Variants in DPP10 observed in about 807,000 individuals in gnomAD.
DPP10 encodes the protein dipeptidyl peptidase like 10.
DPP10 carries 33 observed loss-of-function variants against 120.9 expected under a neutral mutation model. That is an observed-to-expected ratio of 0.27 (90% CI 0.21 to 0.37). The LOEUF (loss-of-function observed/expected upper bound fraction) is 0.37, where lower values mean the gene tolerates loss of function less well. Ranked by LOEUF, DPP10 falls within the 10% of genes least tolerant of loss-of-function variation. The pLI is 1.00. For missense variants in DPP10, 816 were observed against 942.8 expected (o/e 0.87, Z 1.76); for synonymous variants, 337 against 326.1 (o/e 1.03, Z -0.36).
At chr2:114,769,505 G>C (rs1487979361) in intron 1 of DPP10, among the ~76,000 whole-genome samples, 1 of 152,154 alleles carries the variant, frequency 6.6e-6, no homozygotes, top group Non-Finnish European at 1.5e-5. Context: ...AATGAAAATA[G>C]GTAGTATGCA....
At chr2:114,934,363 A>G (rs1487009504) in intron 1 of DPP10, among the ~76,000 whole-genome samples, 2 of 152,202 alleles carry the variant, frequency 1.3e-5, no homozygotes, top group Non-Finnish European at 2.9e-5. Context: ...TATTCTTACA[A>G]AAAAGTAAGC....
chr2:115,710,200 G>A (rs2092270597), intron 7 of DPP10, among the ~76,000 whole-genome samples: 1 of 151,964 alleles, frequency 6.6e-6, no homozygotes, highest in Non-Finnish European at 1.5e-5. Context: ...ATATGATAGG[G>A]GAACTCGGAT....
At chr2:114,791,015 T>C (rs905842981) in intron 1 of DPP10, among the ~76,000 whole-genome samples, 2 of 152,120 alleles carry the variant, frequency 1.3e-5, no homozygotes, top group African/African-American at 2.4e-5. Flanking sequence ...GGGGAGAAAG[T>C]ATATATTTAA....
chr2:115,501,737 A>C (rs2076693048), intron 4 of DPP10, among the ~76,000 whole-genome samples: 1 of 152,086 alleles, frequency 6.6e-6, no homozygotes, highest in Non-Finnish European at 1.5e-5. Context: ...AATTACCATA[A>C]TTCCAGATGA....
chr2:115,384,262 A>G (rs1056744687), intron 3 of DPP10, among the ~76,000 whole-genome samples: 5 of 152,126 alleles, frequency 3.3e-5, no homozygotes, highest in Admixed American at 6.6e-5. Flanking sequence ...TAATCCCAGA[A>G]CTTGGGGAGG....
At chr2:115,069,644 ACT>A (rs1707209312) in intron 1 of DPP10, among the ~76,000 whole-genome samples, 1 of 151,992 alleles carries the variant, frequency 6.6e-6, no homozygotes, top group South Asian at 2.1e-4. Context: ...AAATACATTA[ACT>A]CAGCTTTTAC....
chr2:115,389,540 C>T (rs553336007), intron 3 of DPP10, among the ~76,000 whole-genome samples: 13 of 152,088 alleles, frequency 8.5e-5, no homozygotes, highest in Middle Eastern at 3.4e-3. Flanking sequence ...AATAAGTAAC[C>T]GATGTAATGA....
rs200917920 is a variant in DPP10 at position 115,644,311 on chromosome 2, C to T, written c.442-45376C>T. Among the ~76,000 whole-genome samples, 4 of 152,132 alleles carry T rather than the reference C, an allele frequency of 2.6e-5. No homozygotes were observed. The East Asian group carries it at 5.8e-4, about 22-fold the overall frequency. On this transcript the variant is annotated intron_variant, in intron 5 of 25. Transcript: ENST00000410059. ...ATATCTCCTAATGCTATCCCTCCCC[C>T]CTCCGCCCACTCCGCAACAGGCCCC...
chr2:114,568,304 A>C (rs1329506023), intron 1 of DPP10, among the ~76,000 whole-genome samples: 1 of 152,194 alleles, frequency 6.6e-6, no homozygotes, highest in African/African-American at 2.4e-5. Context: ...ATATGTTGGT[A>C]TAAAGTTCTA....
intron 1 of DPP10, among the ~76,000 whole-genome samples, chr2:114,938,883 T>A: frequency 6.6e-6 from 1 of 152,164 alleles, no homozygotes; most frequent in Middle Eastern, 3.4e-3. Context: ...TAAACTTTAA[T>A]CAAAGTTATT....
chr2:115,347,645 CT>C lies in DPP10; in HGVS notation c.271+3734del, dbSNP rs1412950699. On this transcript the variant is annotated intron_variant, in intron 3 of 25. Transcript: ENST00000410059. ...TATCCCTCCCCTAGTCCCCTACCCC[CT>C]GACAGGCCCTGGTGTGTGATATTCC... 1.3e-5 allele frequency among the ~76,000 whole-genome samples: 2 copies of C among 152,152 alleles called. 1 individual carries two copies. Among genetic ancestry groups the C allele is most frequent in the South Asian group, 4.2e-4 (2 of 4,810 alleles).
chr2:114,612,462 G>A (rs910882704), intron 1 of DPP10, among the ~76,000 whole-genome samples: 13 of 152,120 alleles, frequency 8.5e-5, no homozygotes, highest in Middle Eastern at 3.2e-3. Flanking sequence ...TGAACGTTTG[G>A]TGCTTTTTCC....
At chr2:114,497,779 T>C (rs1262984004) in intron 1 of DPP10, among the ~76,000 whole-genome samples, 1 of 152,198 alleles carries the variant, frequency 6.6e-6, no homozygotes, top group Non-Finnish European at 1.5e-5. Context: ...GTTTGAACTC[T>C]CATCCCCTTC....
intron 1 of DPP10, among the ~76,000 whole-genome samples, chr2:115,251,112 T>A (rs570191801): frequency 1.7e-4 from 26 of 152,332 alleles, no homozygotes; most frequent in Admixed American, 1.7e-3. Flanking sequence ...GGGATAGGTC[T>A]GTGGACTTTG....
chr2:115,714,088 G>A (rs2421281), intron 7 of DPP10, among the ~76,000 whole-genome samples: 138,330 of 152,206 alleles, frequency 0.91, 64,368 homozygotes, highest in East Asian at 1. Flanking sequence ...CTATTCTAAT[G>A]TTAAAGTATC....
intron 1 of DPP10, among the ~76,000 whole-genome samples, chr2:114,546,236 G>C (rs979154353): frequency 6.6e-6 from 1 of 152,148 alleles, no homozygotes; most frequent in Non-Finnish European, 1.5e-5. Flanking sequence ...ATCTGCTTCT[G>C]GGGAGGTCTC....
intron 1 of DPP10, among the ~76,000 whole-genome samples, chr2:114,837,398 A>G (rs1687827250): frequency 1.3e-5 from 2 of 152,146 alleles, no homozygotes; most frequent in South Asian, 4.1e-4. Context: ...GGCTATTCAG[A>G]CGTCCTTCTT....
At chr2:115,202,113 G>A (rs2055777051) in intron 1 of DPP10, among the ~76,000 whole-genome samples, 1 of 152,210 alleles carries the variant, frequency 6.6e-6, no homozygotes, top group South Asian at 2.1e-4. Flanking sequence ...TATTTTTATA[G>A]AGATGTAGTC....
intron 1 of DPP10, among the ~76,000 whole-genome samples, chr2:115,201,932 A>T: frequency 6.6e-6 from 1 of 152,170 alleles, no homozygotes; most frequent in East Asian, 1.9e-4. Context: ...CCTCTCACAC[A>T]TTAGGGTCTT....
Sources: gnomAD v4.1 joint callset for allele counts (sites outside exome capture counted in the v4.1 genomes callset) on GRCh38, gnomAD v4.1.1 for gene constraint, MANE v1.5 for transcripts, NCBI Gene and HGNC (gene_info 2026-07-23, HGNC 2026-07-21) for gene names.